Variants in SURF4 observed in about 807,000 individuals in gnomAD.
SURF4 encodes surfeit 4, also known as surfeit locus protein 4.
A neutral mutation model predicts 30.0 loss-of-function variants in SURF4; 3 were observed. That is an observed-to-expected ratio of 0.10 (90% CI 0.05 to 0.26). The LOEUF is 0.26. Ranked by LOEUF, SURF4 falls within the 10% of genes least tolerant of loss-of-function variation. The probability of loss-of-function intolerance (pLI) is 1.00; values close to 1 mark genes in which losing one functional copy is unlikely to be tolerated. For synonymous variants in SURF4, 143 were observed against 139.9 expected (o/e 1.02, Z -0.16); for missense variants, 217 against 350.8 (o/e 0.62, Z 3.05).
intron 1 of SURF4, chr9:133,372,713 C>T: frequency 5.9e-6 from 5 of 849,900 alleles, no homozygotes; most frequent in Non-Finnish European, 7.1e-6. Flanking sequence ...CATGGTAATC[C>T]TCTATCGGCT....
chr9:133,376,509 G>C, upstream of SURF4: 1 of 1,599,926 alleles, frequency 6.3e-7, no homozygotes, highest in Admixed American at 1.7e-5. Context: ...GGCGCCCCAC[G>C]CAGGGGGAGC....
chr9:133,375,886 G>A lies in SURF4; in HGVS notation c.48+36C>T, dbSNP rs1837887143. ...CGGAGCGGCCCGGGCGGCCTGGGTC[G>A]GGACCGGGGCCGGGGGAGGAGCCCG... On this transcript the variant is annotated intron_variant, in intron 1 of 5. Transcript: ENST00000371989. 1.6e-5 allele frequency: 19 copies of A among 1,219,956 alleles called. No homozygotes were observed. In the East Asian group the frequency reaches 6.3e-4, roughly 40 times the overall value. The allele number at this position is 1,219,956 out of a possible 1,614,324, so 75.6% of individuals were successfully genotyped here. A position where few individuals can be genotyped will look rare whatever the true frequency, so the allele number is the denominator to read the frequency against.
intron 1 of SURF4, among the ~76,000 whole-genome samples, chr9:133,374,340 G>A (rs1837719021): frequency 6.6e-6 from 1 of 151,960 alleles, no homozygotes; most frequent in Non-Finnish European, 1.5e-5. Context: ...ACCACCTGAG[G>A]TCGGGAGTTC....
upstream of SURF4, chr9:133,376,509 G>A: frequency 1.3e-6 from 2 of 1,599,924 alleles, no homozygotes; most frequent in East Asian, 2.3e-5. Context: ...GGCGCCCCAC[G>A]CAGGGGGAGC....
upstream of SURF4, among the ~76,000 whole-genome samples, chr9:133,377,518 C>T (rs2130254555): frequency 6.6e-6 from 1 of 152,170 alleles, no homozygotes; most frequent in Non-Finnish European, 1.5e-5. Flanking sequence ...ACAAAATTAG[C>T]CAGGTGTGGT....
chr9:133,376,084 C>T, upstream of SURF4: 4 of 1,205,338 alleles, frequency 3.3e-6, no homozygotes, highest in Non-Finnish European at 4.1e-6. Flanking sequence ...CCTCGCTCCG[C>T]GTCGGCTGCG....
intron 5 of SURF4, among the ~76,000 whole-genome samples, chr9:133,364,609 G>A (rs2130104922): frequency 6.8e-4 from 104 of 151,826 alleles, no homozygotes; most frequent in Non-Finnish European, 1.2e-3. Context: ...GGAGAATGGC[G>A]TGAACCCGGG....
Position 133,366,719 on chromosome 9 carries a change from G to A in SURF4, c.236-44C>T, listed in dbSNP as rs2130132170. ...GTTAGGGGGCCTGAGGGTGGGTGCC[G>A]GCGGGGAGCACTGTCTTGATACACT... is the stretch of plus-strand genomic sequence containing the variant. On this transcript the variant is annotated intron_variant, in intron 2 of 5. Coordinates refer to ENST00000371989, the MANE Select transcript of SURF4 (RefSeq NM_033161.4). The A allele has an allele frequency of 1.6e-5, 26 of 1,586,378 alleles. 1 individual carries two copies. Among genetic ancestry groups the A allele is most frequent in the Admixed American group, 3.4e-5 (2 of 58,930 alleles).
Position 133,363,592 on chromosome 9 carries a change from G to A in SURF4, c.711C>T (p.Tyr237=), listed in dbSNP as rs2130088874. 66 of 1,614,058 alleles carry A rather than the reference G, an allele frequency of 4.1e-5. No homozygotes were observed. Among genetic ancestry groups the A allele is most frequent in the Non-Finnish European group, 5.3e-5 (63 of 1,180,048 alleles). The part of the protein sequence containing the change: ...VYKPMHDFLK[Y]DFFQTMSVIG... ...TCACCGACATGGTCTGGAAGAAGTCGTATTTCAGGAAGTCATGCATGGGCT... is the reference window on the plus strand; with the variant it reads ...TCACCGACATGGTCTGGAAGAAGTCATATTTCAGGAAGTCATGCATGGGCT... Residue 237 remains tyrosine (Y), a synonymous_variant, in exon 6 of 6, where the codon TAC becomes TAT. Coordinates refer to ENST00000371989, the MANE Select transcript of SURF4 (RefSeq NM_033161.4). The surrounding 1 kb of genome is among the most constrained non-coding windows in gnomAD (Gnocchi z 4.3).
chr9:133,370,811 G>A (rs2130182721), intron 1 of SURF4: 38 of 1,219,754 alleles, frequency 3.1e-5, no homozygotes, highest in Non-Finnish European at 3.8e-5. Context: ...AGAGAACTGC[G>A]ACAGCAGAGC....
In SURF4 at chr9:133,366,007, A is replaced by G; in HGVS notation, c.334T>C (p.Trp112Arg). The G allele has an allele frequency of 6.2e-7, 1 of 1,614,146 alleles. No individual in the cohort carries two copies. The highest frequency in any genetic ancestry group is 8.5e-7 in the Non-Finnish European group (1 of 1,180,014). Residue 112 changes from tryptophan (W) to arginine (R), a missense_variant, in exon 4 of 6, where the codon TGG (tryptophan) becomes CGG (arginine). Physicochemically the swap from Trp to Arg is moderately radical, Grantham distance 101. Transcript: ENST00000371989. ...TACCTCATCAAAAACTTCAAGTCCC[A>G]TAAAATGCTGTAGGCAATCGTCTGA... is the stretch of plus-strand genomic sequence containing the variant. Reference protein sequence around the residue: ...ALQTIAYSILWDLKFLMRNLA... With the variant: ...ALQTIAYSILRDLKFLMRNLA...
chr9:133,367,206 C>T, intron 2 of SURF4, 53 bp downstream of exon 2: 6 of 1,589,026 alleles, frequency 3.8e-6, no homozygotes, highest in Admixed American at 1.7e-5. Context: ...CAACTGCTAA[C>T]GATCATGGAA....
intron 1 of SURF4, among the ~76,000 whole-genome samples, chr9:133,374,648 C>T (rs1588723970): frequency 2.0e-5 from 3 of 152,258 alleles, no homozygotes; most frequent in East Asian, 1.9e-4. Context: ...AAAAATGCTT[C>T]GTCAAGTTGA....
chr9:133,376,535 C>T (rs2130249084), upstream of SURF4: 86 of 1,600,294 alleles, frequency 5.4e-5, no homozygotes, highest in African/African-American at 1.0e-3. Flanking sequence ...CCAGGGTCCC[C>T]CGGAGAGCCC....
At chr9:133,368,504 G>C (rs1837313468) in intron 1 of SURF4, among the ~76,000 whole-genome samples, 1 of 152,354 alleles carries the variant, frequency 6.6e-6, no homozygotes, top group African/African-American at 2.4e-5. Flanking sequence ...ACCGCTAATG[G>C]CTAGAAAGCG....
At chr9:133,376,654 G>A, upstream of SURF4, 1 of 1,156,406 alleles carries the variant, frequency 8.6e-7, no homozygotes, top group Non-Finnish European at 1.2e-6. Context: ...AGGGCGGCGA[G>A]GGGCCCGCGC....
rs1157477093 is a variant in SURF4 at position 133,370,784 on chromosome 9, T to C, written c.49-3339A>G. 10 of 1,011,520 alleles carry C rather than the reference T, an allele frequency of 9.9e-6. No homozygotes were observed. In the East Asian group the frequency reaches 2.4e-4, roughly 24 times the overall value. The allele number at this position is 1,011,520 out of a possible 1,614,324, so 62.7% of individuals were successfully genotyped here. ...GGCGAGCACATAAAACTTGTGACAG[T>C]CCCCCTCCCCCCCATTAGAGAACTG... On this transcript the variant is annotated intron_variant, in intron 1 of 5. Coordinates refer to ENST00000371989, the MANE Select transcript of SURF4 (RefSeq NM_033161.4).
At chr9:133,365,318 G>A (rs2130116112) in intron 4 of SURF4, among the ~76,000 whole-genome samples, 1 of 152,168 alleles carries the variant, frequency 6.6e-6, no homozygotes, top group East Asian at 1.9e-4. Flanking sequence ...CTTCAGTGTT[G>A]ACCAGCTGGG....
intron 1 of SURF4, among the ~76,000 whole-genome samples, chr9:133,370,493 AC>A (rs1837441149): frequency 6.6e-6 from 1 of 152,208 alleles, no homozygotes; most frequent in African/African-American, 2.4e-5. Flanking sequence ...TTTGGACTGA[AC>A]ACTGAAAAAG....
Sources: allele counts gnomAD v4.1 joint callset (sites outside exome capture counted in the v4.1 genomes callset), GRCh38; gene constraint gnomAD v4.1.1; non-coding constraint Gnocchi (gnomAD v3.1); transcripts MANE v1.5; gene names NCBI Gene and HGNC (gene_info 2026-07-23, HGNC 2026-07-21).